Variants in CIITA observed in about 807,000 individuals in gnomAD.
CIITA encodes class II major histocompatibility complex transactivator, also known as MHC class II transactivator.
In CIITA, 72 loss-of-function variants were observed where a neutral mutation model predicts 115.1. That is an observed-to-expected ratio of 0.63 (90% confidence interval 0.52 to 0.76). The LOEUF (loss-of-function observed/expected upper bound fraction) is 0.76, where lower values mean the gene tolerates loss of function less well. Ranked by LOEUF, CIITA falls within the 30% of genes least tolerant of loss-of-function variation. The probability of loss-of-function intolerance (pLI) is 0.00; values close to 1 mark genes in which losing one functional copy is unlikely to be tolerated. For missense variants in CIITA, 1,617 were observed against 1,463.8 expected (o/e 1.10, Z -1.71); for synonymous variants, 763 against 635.6 (o/e 1.20, Z -3.02).
At position 10,922,170 on chromosome 16, in the gene CIITA, G is replaced by A. The variant is rs143507445; in HGVS notation, c.3153G>A (p.Leu1051=). 1.4e-5 allele frequency: 22 copies of A among 1,614,226 alleles called. No homozygotes were observed. Among genetic ancestry groups the A allele is most frequent in the African/African-American group, 4.0e-5 (3 of 75,072 alleles). The change falls in exon 17 of 20, where the codon TTG becomes TTA. Residue 1051 remains leucine, a synonymous_variant. Coordinates refer to ENST00000324288, the MANE Select transcript of CIITA (RefSeq NM_000246.4). ...CCCTGGCCTCTGTTTCCGACAGCTTGTACAATAACTGCATCTGCGACGTGG... is the reference window on the plus strand; with the variant it reads ...CCCTGGCCTCTGTTTCCGACAGCTTATACAATAACTGCATCTGCGACGTGG... ...SLAASLLRLS[L]YNNCICDVGA... is the part of the protein sequence containing the mutation.
In CIITA at chr16:10,923,803, A is replaced by C. The variant is rs1596621798; in HGVS notation, c.*23-75A>C. ...CCTCCCATCCCCCCATCTTGATAGCACCCTTCCCAGGTGTCAAGCTGCCCC... is the reference window on the plus strand; with the variant it reads ...CCTCCCATCCCCCCATCTTGATAGCCCCCTTCCCAGGTGTCAAGCTGCCCC... On this transcript the variant is annotated intron_variant, in intron 19 of 19. Transcript: ENST00000324288. The surrounding 1 kb of genome is among the most constrained non-coding windows in gnomAD (Gnocchi z 5.2). 5.6e-6 allele frequency: 1 copy of C among 178,910 alleles called. No homozygotes were observed. The highest frequency in any genetic ancestry group is 1.2e-5 in the Non-Finnish European group (1 of 84,552). 11.1% of individuals were successfully genotyped at this position (178,910 alleles called of 1,614,324 possible).
chr16:10,904,848 G>A, intron 10 of CIITA, 36 bp downstream of exon 10: 1 of 1,610,278 alleles, frequency 6.2e-7, no homozygotes, highest in Non-Finnish European at 8.5e-7. Context: ...CTGGGTGGTG[G>A]AGATGGAAGC....
chr16:10,911,368 T>C (rs901567925), intron 13 of CIITA, among the ~76,000 whole-genome samples: 5 of 92,126 alleles, frequency 5.4e-5, no homozygotes, highest in Non-Finnish European at 1.0e-4. Context: ...TTCTCTCTGT[T>C]TCTTTCTTTC....
intron 8 of CIITA, among the ~76,000 whole-genome samples, chr16:10,903,068 AT>A (rs923892982): frequency 1.4e-4 from 22 of 152,040 alleles, no homozygotes; most frequent in African/African-American, 3.9e-4. Context: ...GTTTTTCCTT[AT>A]TTTTTTTAAA....
chr16:10,876,357 G>A (rs1241633655), upstream of CIITA, among the ~76,000 whole-genome samples: 1 of 152,126 alleles, frequency 6.6e-6, no homozygotes, highest in African/African-American at 2.4e-5. Flanking sequence ...CCATTATAAA[G>A]GGAAAAAATG....
chr16:10,877,241 G>GGGCATCCGAA lies in CIITA; in HGVS notation c.-82_-73dup, dbSNP rs2035909974. 1.7e-6 allele frequency: 2 copies of GGGCATCCGAA among 1,147,754 alleles called. No individual in the cohort carries two copies. Among genetic ancestry groups the GGGCATCCGAA allele is most frequent in the African/African-American group, 3.1e-5 (2 of 65,382 alleles). 71.1% of individuals were successfully genotyped at this position (1,147,754 alleles called of 1,614,324 possible). On this transcript the variant is annotated 5_prime_UTR_variant, in exon 1 of 20. The change abolishes the stop of an existing upstream ORF in the 5' untranslated region. Transcript: ENST00000324288. Reference sequence around the variant, plus strand: ...TGATGAGGCTGTGTGCTTCTGAGCTGGGCATCCGAAGGCATCCTTGGGGAA... The same window carrying GGGCATCCGAA: ...TGATGAGGCTGTGTGCTTCTGAGCTGGGCATCCGAAGGCATCCGAAGGCATCCTTGGGGAA...
At chr16:10,900,786 G>A (rs185291893) in intron 5 of CIITA, among the ~76,000 whole-genome samples, 1 of 151,912 alleles carries the variant, frequency 6.6e-6, no homozygotes, top group Non-Finnish European at 1.5e-5. Context: ...GTGAAAGAAT[G>A]GTACTATGAA....
chr16:10,921,245 G>A (rs1567447819), intron 16 of CIITA, among the ~76,000 whole-genome samples: 2 of 152,244 alleles, frequency 1.3e-5, no homozygotes, highest in Non-Finnish European at 2.9e-5. Context: ...ACCCGCAGCA[G>A]CACCTGACCT....
Position 10,925,821 on chromosome 16 carries a change from TG to T in CIITA, c.*1970del, listed in dbSNP as rs1164504154. On this transcript the variant is annotated 3_prime_UTR_variant, in exon 20 of 20. Coordinates refer to ENST00000324288, the MANE Select transcript of CIITA (RefSeq NM_000246.4). Reference sequence around the variant, plus strand: ...AAAATTCAGTGGAAAATTAATTGTTTGGGGATGAGAAAGGTTGAAGCACCAA... The same window carrying T: ...AAAATTCAGTGGAAAATTAATTGTTTGGGATGAGAAAGGTTGAAGCACCAA... 1 of 152,234 alleles carries T rather than the reference TG, an allele frequency of 6.6e-6. No individual in the cohort carries two copies. Among genetic ancestry groups the T allele is most frequent in the Admixed American group, 6.5e-5 (1 of 15,274 alleles). The allele number at this position is 152,234 out of a possible 1,614,324, so 9.4% of individuals were successfully genotyped here.
chr16:10,901,986 C>T lies in CIITA; in HGVS notation c.482-52C>T, dbSNP rs1250163286. 1.2e-6 allele frequency: 2 copies of T among 1,609,756 alleles called. No homozygotes were observed. The highest frequency in any genetic ancestry group is 1.7e-6 in the Non-Finnish European group (2 of 1,178,262). ...TGCCACTCCAGGGCCCTCCCCATCC[C>T]AGGAAGGCCCCTCCAAGCACCCAGT... is the stretch of plus-strand genomic sequence containing the variant. On this transcript the variant is annotated intron_variant, in intron 6 of 19. Transcript: ENST00000324288. This position sits in a 1 kb window ranked among gnomAD's most constrained non-coding sequence, Gnocchi z 6.8.
Position 10,906,603 on chromosome 16 carries a change from G to A in CIITA, c.1111G>A (p.Glu371Lys). The A allele has an allele frequency of 6.2e-7, 1 of 1,613,846 alleles. No homozygotes were observed. The highest frequency in any genetic ancestry group is 8.5e-7 in the Non-Finnish European group (1 of 1,180,024). Residue 371 changes from glutamate to lysine, a missense_variant, in exon 11 of 20, where the codon GAG becomes AAG. Physicochemically the swap from Glu to Lys is moderately conservative, Grantham distance 56. Transcript: ENST00000324288. ...VEVDLVQARL[E>K]RSSSKSLERE... ...GGTGGATCTGGTGCAGGCCAGGCTG[G>A]AGAGGAGCAGCAGCAAGAGCCTGGA...
At chr16:10,911,420 CTCTT>C (rs1238826724) in intron 13 of CIITA, among the ~76,000 whole-genome samples, 111 of 147,432 alleles carry the variant, frequency 7.5e-4, no homozygotes, top group East Asian at 3.0e-3. Flanking sequence ...CCCTATCTCT[CTCTT>C]TCTTTCTTTC....
intron 1 of CIITA, among the ~76,000 whole-genome samples, chr16:10,870,352 T>G (rs928342763): frequency 6.6e-6 from 1 of 152,128 alleles, no homozygotes; most frequent in Admixed American, 6.5e-5. Flanking sequence ...GAAAGCCCAG[T>G]TCTGGAGATG....
chr16:10,914,095 C>T (rs1253986041), intron 13 of CIITA, among the ~76,000 whole-genome samples: 1 of 152,156 alleles, frequency 6.6e-6, no homozygotes, highest in Non-Finnish European at 1.5e-5. Flanking sequence ...TATCTTCCCC[C>T]CTGGAATGTC....
chr16:10,907,498 G>A lies in CIITA; in HGVS notation c.2006G>A (p.Arg669His), dbSNP rs745446439. 84 of 1,613,780 alleles carry A rather than the reference G, an allele frequency of 5.2e-5. No homozygotes were observed. The highest frequency in any genetic ancestry group is 8.0e-5 in the African/African-American group (6 of 74,934). ...ELAKLAWELG[R>H]RHQSTLQEDQ... ...GCCAAGCTGGCCTGGGAGCTGGGCC[G>A]CAGACATCAAAGTACCCTACAGGAG... Residue 669 changes from arginine (R) to histidine (H), a missense_variant, in exon 11 of 20, where the codon CGC becomes CAC. By Grantham distance (29) the Arg-to-His change is conservative. Coordinates refer to ENST00000324288, the MANE Select transcript of CIITA (RefSeq NM_000246.4). This position sits in a 1 kb window ranked among gnomAD's most constrained non-coding sequence, Gnocchi z 5.0.
chr16:10,869,583 T>C (rs1291840068), intron 1 of CIITA, among the ~76,000 whole-genome samples: 1 of 151,680 alleles, frequency 6.6e-6, no homozygotes, highest in East Asian at 1.9e-4. Context: ...AGTGGTGAGA[T>C]CTCAGCTCAC....
At chr16:10,889,707 C>T (rs763921709) in intron 1 of CIITA, among the ~76,000 whole-genome samples, 7 of 151,956 alleles carry the variant, frequency 4.6e-5, no homozygotes, top group Admixed American at 1.3e-4. Flanking sequence ...TTAGTAGAGA[C>T]GGGATTTCAC....
At chr16:10,898,385 G>A (rs187576161) in intron 3 of CIITA, among the ~76,000 whole-genome samples, 1 of 152,052 alleles carries the variant, frequency 6.6e-6, no homozygotes, top group East Asian at 2.0e-4. Flanking sequence ...GGAAAGTAGA[G>A]GTGGAATTTG....
Position 10,910,278 on chromosome 16 carries a change from T to C in CIITA, c.2888+19T>C. 1 of 1,611,168 alleles carries C rather than the reference T, an allele frequency of 6.2e-7. No homozygotes were observed. The highest frequency in any genetic ancestry group is 8.5e-7 in the Non-Finnish European group (1 of 1,177,774). On this transcript the variant is annotated intron_variant, in intron 13 of 19. Coordinates refer to ENST00000324288, the MANE Select transcript of CIITA (RefSeq NM_000246.4). ...AGTTTGCGTAAGCAAAGGGGTGGAT[T>C]GTCTTGTGGGTCTGCGCAAGGTTTC...
Sources: allele counts gnomAD v4.1 joint callset (sites outside exome capture counted in the v4.1 genomes callset), GRCh38; gene constraint gnomAD v4.1.1; non-coding constraint Gnocchi (gnomAD v3.1); transcripts MANE v1.5; gene names NCBI Gene and HGNC (gene_info 2026-07-23, HGNC 2026-07-21).